Variants in EDC3 observed in about 807,000 individuals in gnomAD.
The protein encoded by EDC3 is enhancer of mRNA decapping 3, also known as enhancer of mRNA-decapping protein 3.
EDC3 carries 20 observed loss-of-function variants against 41.8 expected under a neutral mutation model. The ratio of observed to expected loss-of-function variants is 0.48; its 90% CI spans 0.34 to 0.70. The LOEUF is 0.70. Among genes scored for constraint, EDC3 ranks in the 30% least tolerant of loss-of-function variants. The probability of loss-of-function intolerance (pLI) is 0.01; values close to 1 mark genes in which losing one functional copy is unlikely to be tolerated. For synonymous variants in EDC3, 206 were observed against 243.2 expected, an observed-to-expected ratio of 0.85 and a Z score of 1.42; for missense variants, 444 against 636.8, an observed-to-expected ratio of 0.70 and a Z score of 3.26.
chr15:74,672,577 A>T (rs2062751970), intron 2 of EDC3, among the ~76,000 whole-genome samples: 2 of 152,292 alleles, frequency 1.3e-5, no homozygotes, highest in South Asian at 4.1e-4. Flanking sequence ...GCATTTTGGG[A>T]GGCCGAGGCA....
At chr15:74,686,645 T>C (rs982464996) in intron 1 of EDC3, among the ~76,000 whole-genome samples, 1 of 151,952 alleles carries the variant, frequency 6.6e-6, no homozygotes, top group Non-Finnish European at 1.5e-5. Context: ...CCAGGTGTGG[T>C]GGTGGGTGCC....
intron 5 of EDC3, 47 bp downstream of exon 5, chr15:74,640,419 A>G: frequency 6.2e-7 from 1 of 1,600,796 alleles, no homozygotes. Context: ...GGCCAGGCAG[A>G]GCATCCTTAC....
intron 1 of EDC3, among the ~76,000 whole-genome samples, chr15:74,686,673 A>C (rs2062941669): frequency 6.6e-6 from 1 of 151,866 alleles, no homozygotes; most frequent in Non-Finnish European, 1.5e-5. Context: ...CCAGCTATTT[A>C]GGAGGCTGAG....
chr15:74,683,586 T>C (rs577641791), intron 1 of EDC3, among the ~76,000 whole-genome samples: 1 of 152,222 alleles, frequency 6.6e-6, no homozygotes, highest in East Asian at 1.9e-4. Context: ...CATATCAATG[T>C]CAATATCCTA....
intron 1 of EDC3, among the ~76,000 whole-genome samples, chr15:74,692,230 C>T (rs2063016380): frequency 1.3e-5 from 2 of 152,048 alleles, no homozygotes; most frequent in Admixed American, 6.6e-5. Context: ...TTGACTTTTG[C>T]TTTAGGATAA....
intron 3 of EDC3, among the ~76,000 whole-genome samples, chr15:74,657,391 G>A (rs1458946097): frequency 6.6e-6 from 1 of 152,236 alleles, no homozygotes; most frequent in South Asian, 2.1e-4. Flanking sequence ...AGTGAGTGGA[G>A]TTTGATCCCA....
At chr15:74,660,783 A>G (rs1028600317) in intron 3 of EDC3, among the ~76,000 whole-genome samples, 1 of 152,100 alleles carries the variant, frequency 6.6e-6, no homozygotes, top group Non-Finnish European at 1.5e-5. Flanking sequence ...TATTCTATTT[A>G]TTTTTATTTT....
chr15:74,681,566 A>C (rs1047281423), intron 1 of EDC3, among the ~76,000 whole-genome samples: 2 of 152,234 alleles, frequency 1.3e-5, no homozygotes, highest in Non-Finnish European at 2.9e-5. Flanking sequence ...ATGTAAATCG[A>C]TAAAATAGAA....
intron 3 of EDC3, among the ~76,000 whole-genome samples, chr15:74,669,511 CAA>C (rs58880243): frequency 2.9e-5 from 4 of 135,862 alleles, no homozygotes; most frequent in Admixed American, 1.5e-4. Context: ...GGCTCCATCT[CAA>C]AAAAAAAAAA....
intron 4 of EDC3, 44 bp from the exon 5 acceptor site, chr15:74,640,663 AC>A: frequency 1.2e-6 from 2 of 1,612,554 alleles, no homozygotes; most frequent in Non-Finnish European, 1.7e-6. Context: ...GACTACAGAA[AC>A]CAAGTCCAAA....
rs370249779 is a variant in EDC3 at position 74,632,588 on chromosome 15, G to T, written c.*24C>A. Reference sequence around the variant, plus strand: ...TTATCAGGAGCAGCAGGGGACAGCAGAGTCCTGCCTGCGCAGGAACCCTCT... The same window carrying T: ...TTATCAGGAGCAGCAGGGGACAGCATAGTCCTGCCTGCGCAGGAACCCTCT... On this transcript the variant is annotated 3_prime_UTR_variant, in exon 7 of 7. Transcript: ENST00000315127. The surrounding 1 kb of genome is among the most constrained non-coding windows in gnomAD (Gnocchi z 4.0). 4 of 1,604,916 alleles carry T rather than the reference G, an allele frequency of 2.5e-6. No individual in the cohort carries two copies. The African/African-American group carries it at 5.3e-5, about 21-fold the overall frequency.
chr15:74,689,946 T>C (rs1324251151), intron 1 of EDC3, among the ~76,000 whole-genome samples: 1 of 152,190 alleles, frequency 6.6e-6, no homozygotes, highest in Non-Finnish European at 1.5e-5. Flanking sequence ...CTTCATCTCA[T>C]TAATACATTA....
chr15:74,690,092 CAAT>C (rs1399709136), intron 1 of EDC3, among the ~76,000 whole-genome samples: 22 of 152,116 alleles, frequency 1.4e-4, no homozygotes, highest in African/African-American at 5.3e-4. Flanking sequence ...TAGTATTCAA[CAAT>C]GTTAAATATT....
At chr15:74,654,769 C>T (rs1179511406) in intron 4 of EDC3, among the ~76,000 whole-genome samples, 1 of 151,492 alleles carries the variant, frequency 6.6e-6, no homozygotes, top group Non-Finnish European at 1.5e-5. Flanking sequence ...CCAAATACAA[C>T]AGAGTCCTAC....
intron 4 of EDC3, among the ~76,000 whole-genome samples, chr15:74,649,348 C>T (rs142776427): frequency 1.3e-5 from 2 of 151,932 alleles, no homozygotes; most frequent in African/African-American, 4.8e-5. Context: ...AGGCCAGGCT[C>T]AAGCGAGCCA....
intron 4 of EDC3, among the ~76,000 whole-genome samples, chr15:74,646,120 T>C (rs1194103295): frequency 1.3e-5 from 2 of 150,100 alleles, no homozygotes; most frequent in Admixed American, 1.3e-4. Flanking sequence ...TTATCCAGGC[T>C]GGAGTGCAAT....
At chr15:74,681,564 C>T (rs1430583735) in intron 1 of EDC3, among the ~76,000 whole-genome samples, 2 of 152,048 alleles carry the variant, frequency 1.3e-5, no homozygotes, top group African/African-American at 4.8e-5. Context: ...ACATGTAAAT[C>T]GATAAAATAG....
chr15:74,669,284 G>A (rs1424630699), intron 3 of EDC3, among the ~76,000 whole-genome samples: 2 of 150,882 alleles, frequency 1.3e-5, no homozygotes, highest in Non-Finnish European at 2.9e-5. Context: ...CGGAAGTTGC[G>A]GTGAGCCAAG....
At chr15:74,656,406 AACACACAC>A (rs143925363) in intron 3 of EDC3, among the ~76,000 whole-genome samples, 26 of 145,942 alleles carry the variant, frequency 1.8e-4, no homozygotes, top group African/African-American at 5.6e-4. Flanking sequence ...TCTGTCTCAA[AACACACAC>A]ACACACACAC....
Sources: gnomAD v4.1 joint callset for allele counts (sites outside exome capture counted in the v4.1 genomes callset) on GRCh38, gnomAD v4.1.1 for gene constraint, Gnocchi (gnomAD v3.1) non-coding constraint, MANE v1.5 for transcripts, NCBI Gene and HGNC (gene_info 2026-07-23, HGNC 2026-07-21) for gene names.